NAA60: variants seen among roughly 807,000 people sequenced by gnomAD.
NAA60 encodes N-alpha-acetyltransferase 60.
NAA60 carries 8 observed loss-of-function variants against 26.1 expected under a neutral mutation model. The observed-to-expected ratio is 0.31, with a 90% confidence interval of 0.18 to 0.55. The LOEUF is 0.55. Ranked by LOEUF, NAA60 falls within the 20% of genes least tolerant of loss-of-function variation. NAA60 has a pLI of 0.93. For missense variants in NAA60, 290 were observed against 311.3 expected, an observed-to-expected ratio of 0.93 and a Z score of 0.51; for synonymous variants, 131 against 122.5, an observed-to-expected ratio of 1.07 and a Z score of -0.46.
chr16:3,476,039 G>T (rs919445552), intron 2 of NAA60, 183 bp from the exon 3 acceptor site: 8 of 574,528 alleles, frequency 1.4e-5, no homozygotes, highest in African/African-American at 3.8e-5. Context: ...TCTTCCCAGC[G>T]ATGGGGGCGA....
intron 1 of NAA60, 188 bp downstream of exon 1, chr16:3,444,025 C>A: frequency 8.6e-7 from 1 of 1,164,634 alleles, no homozygotes; most frequent in Non-Finnish European, 1.1e-6. Context: ...CGGTGTAGGC[C>A]AGGTTGCTGG....
At chr16:3,482,325 G>A (rs1226712324) in intron 4 of NAA60, among the ~76,000 whole-genome samples, 177 bp from the exon 5 acceptor site, 2 of 152,146 alleles carry the variant, frequency 1.3e-5, no homozygotes, top group East Asian at 1.9e-4. Flanking sequence ...GGGCATAAAC[G>A]CTCTCATTTC....
At chr16:3,463,576 C>G (rs910641870) in intron 2 of NAA60, among the ~76,000 whole-genome samples, 1 of 132,558 alleles carries the variant, frequency 7.5e-6, no homozygotes, top group African/African-American at 2.8e-5. Context: ...AAAAAAAATG[C>G]AAGCTGGCGC....
intron 2 of NAA60, among the ~76,000 whole-genome samples, chr16:3,470,978 C>CAAG (rs59698966): frequency 0.41 from 62,740 of 151,890 alleles, 14,244 homozygotes; most frequent in African/African-American, 0.62. Context: ...ATTTTTAAAT[C>CAAG]GAGTGTAAAG....
intron 4 of NAA60, among the ~76,000 whole-genome samples, chr16:3,480,761 C>G (rs982923710): frequency 1.3e-5 from 2 of 152,082 alleles, no homozygotes; most frequent in African/African-American, 4.8e-5. Context: ...AATAAATTAG[C>G]CAGGCATGAT....
At chr16:3,458,071 C>T (rs1040702926) in intron 2 of NAA60, 3 of 985,246 alleles carry the variant, frequency 3.0e-6, no homozygotes, top group East Asian at 1.1e-4. Context: ...CGGCCCCTGC[C>T]GGTTACATAA....
chr16:3,461,690 G>A (rs1439741302), intron 2 of NAA60, among the ~76,000 whole-genome samples: 1 of 152,180 alleles, frequency 6.6e-6, no homozygotes, highest in Non-Finnish European at 1.5e-5. Context: ...ATTTAAAGTT[G>A]CAATGAAGAG....
intron 4 of NAA60, among the ~76,000 whole-genome samples, chr16:3,480,701 G>C (rs999306364): frequency 1.4e-5 from 2 of 145,384 alleles, no homozygotes; most frequent in African/African-American, 5.1e-5. Context: ...TCAGGAGTTC[G>C]AGACCAGCCT....
At chr16:3,482,641 C>CA in intron 5 of NAA60, 43 bp downstream of exon 5, 1 of 1,407,018 alleles carries the variant, frequency 7.1e-7, no homozygotes. Context: ...ACCCCACCCC[C>CA]TTGCCCTACC....
intron 2 of NAA60, among the ~76,000 whole-genome samples, chr16:3,464,528 G>T (rs376596933): frequency 1.3e-5 from 2 of 152,124 alleles, no homozygotes; most frequent in African/African-American, 2.4e-5. Flanking sequence ...TGTCCATCTC[G>T]CCCGCTGCTT....
chr16:3,482,112 C>G (rs1596359402), intron 4 of NAA60, among the ~76,000 whole-genome samples: 1 of 152,222 alleles, frequency 6.6e-6, no homozygotes, highest in East Asian at 1.9e-4. Flanking sequence ...CATTTGTCCA[C>G]TGTCCTGCAT....
chr16:3,475,576 C>T (rs2036428888), intron 2 of NAA60, among the ~76,000 whole-genome samples: 1 of 152,148 alleles, frequency 6.6e-6, no homozygotes, highest in South Asian at 2.1e-4. Flanking sequence ...GATGCACTTT[C>T]CTGATTTAAA....
At chr16:3,468,678 C>T (rs1456603443) in intron 2 of NAA60, among the ~76,000 whole-genome samples, 1 of 152,370 alleles carries the variant, frequency 6.6e-6, no homozygotes, top group East Asian at 1.9e-4. Flanking sequence ...TGCATCGCTC[C>T]ACCTCCGGAA....
chr16:3,467,986 C>A (rs796899503), intron 2 of NAA60: 43 of 152,288 alleles, frequency 2.8e-4, no homozygotes, highest in African/African-American at 8.9e-4. Context: ...GGTTTAAATA[C>A]CCTCTAGAGG....
At chr16:3,443,964 G>T in intron 1 of NAA60, 127 bp downstream of exon 1, 1 of 1,384,812 alleles carries the variant, frequency 7.2e-7, no homozygotes, top group Non-Finnish European at 9.3e-7. Context: ...GCGGATGGTG[G>T]GGCCGTGGAA....
chr16:3,473,711 TTG>T lies in NAA60; in HGVS notation c.-6-2509_-6-2508del, dbSNP rs1567387995. 1.2e-4 allele frequency among the ~76,000 whole-genome samples: 7 copies of T among 58,090 alleles called. No homozygotes were observed. In the East Asian group the frequency reaches 5.7e-3, roughly 47 times the overall value. The allele number at this position is 58,090 out of a possible 152,430, so 38.1% of individuals were successfully genotyped here. On this transcript the variant is annotated intron_variant, in intron 2 of 7. Transcript: ENST00000407558. ...CACCATGCTTGGCCCCAGCTTTTTG[TTG>T]TTGTTGTTGTTGTTGTTGTTGTTGT...
intron 2 of NAA60, among the ~76,000 whole-genome samples, chr16:3,459,555 C>T (rs1191904465): frequency 2.0e-5 from 3 of 152,150 alleles, no homozygotes; most frequent in African/African-American, 4.8e-5. Flanking sequence ...TCTTCATCTC[C>T]CTTCTTGTGG....
chr16:3,482,443 G>T, intron 4 of NAA60, 59 bp from the exon 5 acceptor site: 1 of 1,385,312 alleles, frequency 7.2e-7, no homozygotes, highest in East Asian at 2.5e-5. Context: ...GGGCCGGGCT[G>T]TGCAGTGAGC....
intron 4 of NAA60, among the ~76,000 whole-genome samples, chr16:3,479,893 T>A (rs890187298): frequency 6.6e-6 from 1 of 152,188 alleles, no homozygotes; most frequent in African/African-American, 2.4e-5. Flanking sequence ...AGTTACAACG[T>A]GCTATGAAAA....
Sources: gnomAD v4.1 joint callset for allele counts (sites outside exome capture counted in the v4.1 genomes callset) on GRCh38, gnomAD v4.1.1 for gene constraint, MANE v1.5 for transcripts, NCBI Gene and HGNC (gene_info 2026-07-23, HGNC 2026-07-21) for gene names.